STX18: variants seen among roughly 807,000 people sequenced by gnomAD.
STX18 encodes the protein syntaxin 18.
A neutral mutation model predicts 50.1 loss-of-function variants in STX18; 40 were observed. That is an observed-to-expected ratio of 0.80 (90% CI 0.62 to 1.04). The LOEUF (loss-of-function observed/expected upper bound fraction) is 1.04, where lower values mean the gene tolerates loss of function less well. Ranked by LOEUF, STX18 falls within the 50% of genes least tolerant of loss-of-function variation. The probability of loss-of-function intolerance (pLI) is 0.00; values close to 1 mark genes in which losing one functional copy is unlikely to be tolerated. For synonymous variants in STX18, 158 were observed against 151.8 expected, an observed-to-expected ratio of 1.04 and a Z score of -0.30; for missense variants, 410 against 415.8, an observed-to-expected ratio of 0.99 and a Z score of 0.12.
At chr4:4,492,165 A>T (rs1190127343) in intron 1 of STX18, among the ~76,000 whole-genome samples, 1 of 152,132 alleles carries the variant, frequency 6.6e-6, no homozygotes, top group Non-Finnish European at 1.5e-5. Context: ...CAATCTAGAG[A>T]TTTATATCCC....
At chr4:4,466,485 C>T (rs1560178152) in intron 2 of STX18, among the ~76,000 whole-genome samples, 1 of 152,060 alleles carries the variant, frequency 6.6e-6, no homozygotes, top group African/African-American at 2.4e-5. Flanking sequence ...ATTCCATCTA[C>T]GATGATAAGG....
rs1487170558 is a variant in STX18, at chr4:4,491,626, T to C, written c.169-19920A>G. 2.0e-5 allele frequency among the ~76,000 whole-genome samples: 3 copies of C among 152,120 alleles called. 1 individual carries two copies. The East Asian group carries it at 5.8e-4, about 29-fold the overall frequency. On this transcript the variant is annotated intron_variant, in intron 1 of 10. Transcript: ENST00000306200. ...GATTTATGCTGCCTTTTTTCAAAGCTGCTTAGAAAATGGCTATGTACTTTT... is the reference window on the plus strand; with the variant it reads ...GATTTATGCTGCCTTTTTTCAAAGCCGCTTAGAAAATGGCTATGTACTTTT...
At chr4:4,442,507 C>T (rs1219653375) in intron 5 of STX18, among the ~76,000 whole-genome samples, 1 of 152,112 alleles carries the variant, frequency 6.6e-6, no homozygotes, top group Non-Finnish European at 1.5e-5. Context: ...GTCCCAGCTA[C>T]TCAGGAGGCT....
chr4:4,522,653 A>C (rs1487366097), intron 1 of STX18, among the ~76,000 whole-genome samples: 1 of 152,236 alleles, frequency 6.6e-6, no homozygotes, highest in Non-Finnish European at 1.5e-5. Flanking sequence ...AAATTTTAAA[A>C]ATAAATAAAA....
chr4:4,442,278 CA>C lies in STX18; in HGVS notation c.498-3770del, dbSNP rs571081824. ...CTACACTGTACACCAAGGTAAATTC[CA>C]AATGCATCAGAGATATACACATAAA... On this transcript the variant is annotated intron_variant, in intron 5 of 10. Coordinates refer to ENST00000306200, the MANE Select transcript of STX18 (RefSeq NM_016930.4). Among the ~76,000 whole-genome samples the C allele has an allele frequency of 3.6e-4, 54 of 151,970 alleles. No individual in the cohort carries two copies. In the South Asian group the frequency reaches 3.7e-3, roughly 11 times the overall value.
At chr4:4,475,884 G>C (rs780003179) in intron 1 of STX18, among the ~76,000 whole-genome samples, 2 of 152,180 alleles carry the variant, frequency 1.3e-5, no homozygotes, top group African/African-American at 4.8e-5. Context: ...GCCTCCCAAA[G>C]TGCTGGGACT....
chr4:4,537,344 C>A (rs1731391867), intron 1 of STX18, among the ~76,000 whole-genome samples: 1 of 152,166 alleles, frequency 6.6e-6, no homozygotes, highest in South Asian at 2.1e-4. Context: ...TTTGCTTGCC[C>A]AACATTCCTT....
chr4:4,445,524 T>C (rs1205966002), intron 5 of STX18, among the ~76,000 whole-genome samples: 4 of 152,124 alleles, frequency 2.6e-5, no homozygotes, highest in Admixed American at 2.0e-4. Flanking sequence ...AAATTAATTG[T>C]ATTTCTATAT....
intron 7 of STX18, among the ~76,000 whole-genome samples, chr4:4,429,587 C>T (rs145371392): frequency 7.2e-5 from 11 of 152,352 alleles, no homozygotes; most frequent in East Asian, 1.9e-4. Context: ...CTCTTCCAGA[C>T]GTGCTTTCTC....
At chr4:4,421,551 G>A (rs1439767776) in intron 9 of STX18, among the ~76,000 whole-genome samples, 1 of 152,156 alleles carries the variant, frequency 6.6e-6, no homozygotes. Context: ...CACCGCGCAG[G>A]GCTGAGACCC....
At chr4:4,438,578 A>G in intron 5 of STX18, 69 bp from the exon 6 acceptor site, 1 of 1,297,080 alleles carries the variant, frequency 7.7e-7, no homozygotes, top group South Asian at 1.3e-5. Context: ...AAACAGAAGG[A>G]GTCACATGTG....
chr4:4,432,673 C>T (rs1203940516), intron 7 of STX18, among the ~76,000 whole-genome samples: 2 of 152,242 alleles, frequency 1.3e-5, no homozygotes, highest in Non-Finnish European at 2.9e-5. Flanking sequence ...GATGAGGCTG[C>T]GTGTGGACTC....
intron 1 of STX18, among the ~76,000 whole-genome samples, chr4:4,489,600 T>C (rs1728856761): frequency 6.6e-6 from 1 of 151,872 alleles, no homozygotes; most frequent in Admixed American, 6.6e-5. Context: ...ACATCTTCTT[T>C]GTTTGGAAAT....
chr4:4,442,486 A>G (rs757755914), intron 5 of STX18, among the ~76,000 whole-genome samples: 7 of 152,208 alleles, frequency 4.6e-5, no homozygotes, highest in Non-Finnish European at 7.4e-5. Flanking sequence ...GCGTGGTGGC[A>G]CGCACCTGTA....
chr4:4,439,756 C>G (rs1305573191), intron 5 of STX18, among the ~76,000 whole-genome samples: 1 of 152,078 alleles, frequency 6.6e-6, no homozygotes, highest in Non-Finnish European at 1.5e-5. Context: ...GGACTGAGTC[C>G]TCTGCACTTG....
intron 7 of STX18, among the ~76,000 whole-genome samples, chr4:4,427,677 C>T (rs1725318496): frequency 6.6e-6 from 1 of 152,210 alleles, no homozygotes; most frequent in Non-Finnish European, 1.5e-5. Context: ...TGGACTGTTC[C>T]TTGGGAACAA....
intron 1 of STX18, among the ~76,000 whole-genome samples, chr4:4,483,982 C>A (rs1248967750): frequency 6.6e-6 from 1 of 152,172 alleles, no homozygotes; most frequent in Non-Finnish European, 1.5e-5. Context: ...CTGCCTCAGC[C>A]TCCCGAGTAG....
At chr4:4,517,782 AT>A (rs200828811) in intron 1 of STX18, among the ~76,000 whole-genome samples, 145 of 140,074 alleles carry the variant, frequency 1.0e-3, no homozygotes, top group East Asian at 1.6e-3. Context: ...TTTTTTCTTT[AT>A]TTTTTTTTTT....
At chr4:4,492,024 T>A (rs1728964915) in intron 1 of STX18, among the ~76,000 whole-genome samples, 1 of 152,144 alleles carries the variant, frequency 6.6e-6, no homozygotes, top group South Asian at 2.1e-4. Context: ...TTATTTTACA[T>A]TTTTATGATG....
Sources: gnomAD v4.1 joint callset for allele counts (sites outside exome capture counted in the v4.1 genomes callset) on GRCh38, gnomAD v4.1.1 for gene constraint, MANE v1.5 for transcripts, NCBI Gene and HGNC (gene_info 2026-07-23, HGNC 2026-07-21) for gene names.